The following ADAMTSL1 variants were observed in gnomAD, a reference collection of about 807,000 sequenced individuals.
The protein encoded by ADAMTSL1 is ADAMTS-like protein 1.
Under a neutral mutation model 201.8 loss-of-function variants are expected in ADAMTSL1, and 126 were observed. The ratio of observed to expected loss-of-function variants is 0.62; its 90% CI spans 0.54 to 0.72. The LOEUF (loss-of-function observed/expected upper bound fraction) is 0.72. Ranked by LOEUF, ADAMTSL1 falls within the 30% of genes least tolerant of loss-of-function variation. The pLI is 0.00. For synonymous variants in ADAMTSL1, 1,121 were observed against 903.4 expected (o/e 1.24, Z -4.32); for missense variants, 2,679 against 2,277.8 (o/e 1.18, Z -3.59).
intron 2 of ADAMTSL1, among the ~76,000 whole-genome samples, chr9:18,248,300 C>T (rs570103746): frequency 6.6e-6 from 1 of 152,240 alleles, no homozygotes; most frequent in South Asian, 2.1e-4. Flanking sequence ...CTGAAAACGG[C>T]ATCAGACAGG....
At chr9:17,975,919 A>G (rs1034426329) in intron 1 of ADAMTSL1, among the ~76,000 whole-genome samples, 2 of 151,968 alleles carry the variant, frequency 1.3e-5, no homozygotes, top group Non-Finnish European at 2.9e-5. Flanking sequence ...TAAAGGTCTG[A>G]TTTTATTCTT....
At chr9:18,807,629 G>C (rs1290198839) in intron 20 of ADAMTSL1, among the ~76,000 whole-genome samples, 1 of 146,228 alleles carries the variant, frequency 6.8e-6, no homozygotes, top group African/African-American at 2.5e-5. Flanking sequence ...CAGGGCGACA[G>C]AGCGAGACTC....
At chr9:17,914,591 A>G (rs1299455854) in intron 1 of ADAMTSL1, among the ~76,000 whole-genome samples, 2 of 150,984 alleles carry the variant, frequency 1.3e-5, no homozygotes, top group Admixed American at 6.6e-5. Context: ...AACTGGAAGC[A>G]TTCCCTTTGA....
intron 1 of ADAMTSL1, among the ~76,000 whole-genome samples, chr9:18,069,688 G>A (rs74850722): frequency 0.014 from 2,061 of 152,258 alleles, 17 homozygotes; most frequent in Non-Finnish European, 0.021. Flanking sequence ...GATCTGATTG[G>A]ATTTATCTTT....
At chr9:18,319,494 G>C (rs1328290291) in intron 2 of ADAMTSL1, among the ~76,000 whole-genome samples, 2 of 152,062 alleles carry the variant, frequency 1.3e-5, no homozygotes, top group East Asian at 3.8e-4. Context: ...TAAAGGTAAA[G>C]TTTTCTCTTC....
chr9:18,045,676 T>A (rs1821626670), intron 1 of ADAMTSL1, among the ~76,000 whole-genome samples: 1 of 152,048 alleles, frequency 6.6e-6, no homozygotes, highest in Non-Finnish European at 1.5e-5. Flanking sequence ...AACTCTATTT[T>A]ACCCTCACAT....
chr9:17,957,643 G>C (rs996394119), intron 1 of ADAMTSL1, among the ~76,000 whole-genome samples: 1 of 152,168 alleles, frequency 6.6e-6, no homozygotes, highest in Non-Finnish European at 1.5e-5. Context: ...TGTCCACTTA[G>C]AACCTCAGAA....
chr9:18,905,659 G>T, intron 26 of ADAMTSL1, 123 bp from the exon 27 acceptor site: 1 of 679,854 alleles, frequency 1.5e-6, no homozygotes, highest in Admixed American at 2.3e-5. Context: ...GGGGAAAGAT[G>T]AATGGTCTGA....
intron 1 of ADAMTSL1, among the ~76,000 whole-genome samples, chr9:17,966,397 C>T (rs899468580): frequency 6.6e-6 from 1 of 152,096 alleles, no homozygotes; most frequent in Non-Finnish European, 1.5e-5. Context: ...ACCACCCAAG[C>T]GAAGAAACAG....
intron 3 of ADAMTSL1, among the ~76,000 whole-genome samples, chr9:18,541,504 C>A (rs530574153): frequency 6.7e-6 from 1 of 150,280 alleles, no homozygotes; most frequent in East Asian, 2.0e-4. Context: ...GAGCAAAACT[C>A]CATCTCAAAG....
intron 2 of ADAMTSL1, among the ~76,000 whole-genome samples, chr9:18,279,207 A>G (rs770327825): frequency 9.9e-5 from 15 of 152,194 alleles, no homozygotes; most frequent in Non-Finnish European, 1.9e-4. Context: ...TTCATTCATA[A>G]TATAATCCTA....
In ADAMTSL1 at chr9:18,387,374, TC is replaced by T. The variant is rs1563927853; in HGVS notation, c.208-117451del. On this transcript the variant is annotated intron_variant, in intron 2 of 29. Coordinates refer to the ADAMTSL1 transcript ENST00000680146. ...TCCTATACAGCCTTGCTATATTTCA[TC>T]CCCTTCCTTCCTCCTATGCAGCCTT... 2.6e-5 allele frequency among the ~76,000 whole-genome samples: 4 copies of T among 151,756 alleles called. No homozygotes were observed. In the South Asian group the frequency reaches 6.2e-4, roughly 24 times the overall value.
chr9:18,720,254 T>C (rs915164939), intron 14 of ADAMTSL1, among the ~76,000 whole-genome samples: 5 of 152,228 alleles, frequency 3.3e-5, no homozygotes, highest in Admixed American at 3.3e-4. Context: ...CTTTACCATT[T>C]ACAACTGTAT....
chr9:18,825,296 G>C (rs900874806), intron 21 of ADAMTSL1, among the ~76,000 whole-genome samples: 1 of 152,138 alleles, frequency 6.6e-6, no homozygotes, highest in Non-Finnish European at 1.5e-5. Context: ...ACAGAGCCTG[G>C]CTTCCAAAGA....
chr9:18,085,225 A>C (rs2131790090), intron 1 of ADAMTSL1, among the ~76,000 whole-genome samples: 1 of 152,274 alleles, frequency 6.6e-6, no homozygotes, highest in Admixed American at 6.5e-5. Context: ...TCCTAGGAGC[A>C]ATAGAGGAAC....
At chr9:18,287,565 A>G (rs929731048) in intron 2 of ADAMTSL1, among the ~76,000 whole-genome samples, 11 of 150,898 alleles carry the variant, frequency 7.3e-5, no homozygotes, top group African/African-American at 2.7e-4. Context: ...TAGAAATATT[A>G]CATATATGTA....
chr9:18,305,359 C>G (rs1000580512), intron 2 of ADAMTSL1, among the ~76,000 whole-genome samples: 2 of 152,138 alleles, frequency 1.3e-5, no homozygotes, highest in East Asian at 3.9e-4. Flanking sequence ...GAGACAGAAT[C>G]GTTCACTCTC....
intron 2 of ADAMTSL1, among the ~76,000 whole-genome samples, chr9:18,191,047 G>A (rs919953544): frequency 1.3e-5 from 2 of 152,234 alleles, no homozygotes; most frequent in South Asian, 4.2e-4. Flanking sequence ...TTTTACAGTG[G>A]TAAAGGGAAC....
intron 1 of ADAMTSL1, among the ~76,000 whole-genome samples, chr9:18,123,869 C>A (rs1461283221): frequency 6.6e-6 from 1 of 152,106 alleles, no homozygotes; most frequent in East Asian, 1.9e-4. Context: ...GAAAAACTGA[C>A]AAATTGTTTT....
Sources: gnomAD v4.1 joint callset for allele counts (sites outside exome capture counted in the v4.1 genomes callset) on GRCh38, gnomAD v4.1.1 for gene constraint, MANE v1.5 for transcripts, NCBI Gene and HGNC (gene_info 2026-07-23, HGNC 2026-07-21) for gene names.